The following CYRIB variants were observed in gnomAD, a reference collection of about 807,000 sequenced individuals.
CYRIB encodes CYFIP related Rac1 interactor B.
Under a neutral mutation model 44.2 loss-of-function variants are expected in CYRIB, and 8 were observed. The ratio of observed to expected loss-of-function variants is 0.18; its 90% CI spans 0.11 to 0.33. CYRIB has a LOEUF of 0.33. CYRIB is among the 10% of genes least tolerant of loss of function. The probability of loss-of-function intolerance (pLI) is 1.00; values close to 1 mark genes in which losing one functional copy is unlikely to be tolerated. For synonymous variants in CYRIB, 131 were observed against 127.2 expected (o/e 1.03, Z -0.20); for missense variants, 185 against 382.8 (o/e 0.48, Z 4.31).
At chr8:129,962,931 A>G (rs1431827110) in intron 2 of CYRIB, among the ~76,000 whole-genome samples, 1 of 152,194 alleles carries the variant, frequency 6.6e-6, no homozygotes, top group East Asian at 1.9e-4. Context: ...GAGCAGGTGC[A>G]AGCTGCACCC....
intron 1 of CYRIB, among the ~76,000 whole-genome samples, chr8:130,015,827 C>T (rs2097329750): frequency 1.3e-5 from 2 of 152,334 alleles, no homozygotes; most frequent in African/African-American, 4.8e-5. Flanking sequence ...TAAACACAGG[C>T]GGGTGGCTAC....
intron 1 of CYRIB, among the ~76,000 whole-genome samples, chr8:129,935,303 T>A (rs1455582800): frequency 6.6e-6 from 1 of 152,228 alleles, no homozygotes; most frequent in Non-Finnish European, 1.5e-5. Context: ...TGGTCCCCAA[T>A]CTTTTTGGGA....
At chr8:129,850,807 A>G (rs746225188) in intron 9 of CYRIB, 28 bp downstream of exon 11, 55 of 1,532,112 alleles carry the variant, frequency 3.6e-5, no homozygotes, top group Non-Finnish European at 2.5e-5. Context: ...CAGCACTGTT[A>G]AAGTGAAAAA....
chr8:129,942,179 A>C (rs2093758758), upstream of CYRIB, among the ~76,000 whole-genome samples: 1 of 152,116 alleles, frequency 6.6e-6, no homozygotes, highest in African/African-American at 2.4e-5. Context: ...TCTCTACTAA[A>C]AATACAAAAA....
At chr8:129,882,773 C>T (rs1262813176) in intron 2 of CYRIB, among the ~76,000 whole-genome samples, 1 of 152,164 alleles carries the variant, frequency 6.6e-6, no homozygotes, top group Non-Finnish European at 1.5e-5. Context: ...GCACCCGAGG[C>T]TAATGTGATC....
intron 2 of CYRIB, among the ~76,000 whole-genome samples, chr8:129,899,034 T>G (rs768202676): frequency 5.3e-5 from 8 of 152,180 alleles, no homozygotes; most frequent in Non-Finnish European, 7.3e-5. Context: ...CGGCTAATTT[T>G]TGTATTTTTA....
intron 2 of CYRIB, among the ~76,000 whole-genome samples, chr8:129,946,868 G>A (rs113870380): frequency 0.019 from 2,944 of 152,146 alleles, 93 homozygotes; most frequent in African/African-American, 0.068. Flanking sequence ...TGTACCTCAA[G>A]TACACTTTCC....
At chr8:129,893,118 A>T (rs1009875667) in intron 2 of CYRIB, among the ~76,000 whole-genome samples, 1 of 152,262 alleles carries the variant, frequency 6.6e-6, no homozygotes, top group African/African-American at 2.4e-5. Flanking sequence ...AAAAAAGCTT[A>T]GAATGGAATT....
intron 7 of CYRIB, among the ~76,000 whole-genome samples, chr8:129,853,950 A>T (rs987441251): frequency 5.3e-5 from 8 of 152,278 alleles, no homozygotes; most frequent in African/African-American, 1.9e-4. Context: ...GAGACAAAAA[A>T]CTCGTAACTA....
chr8:129,867,446 A>C (rs181029879), intron 4 of CYRIB, among the ~76,000 whole-genome samples: 39 of 151,028 alleles, frequency 2.6e-4, no homozygotes, highest in African/African-American at 9.0e-4. Flanking sequence ...TAAAATTTAC[A>C]AAAAAAAAGT....
intron 1 of CYRIB, among the ~76,000 whole-genome samples, chr8:129,976,394 G>A (rs958205256): frequency 9.2e-5 from 14 of 152,136 alleles, no homozygotes; most frequent in African/African-American, 3.4e-4. Context: ...CAGAATTCAT[G>A]ACCGTTTTTC....
intron 1 of CYRIB, among the ~76,000 whole-genome samples, chr8:129,972,889 G>A (rs2095765561): frequency 6.6e-6 from 1 of 152,190 alleles, no homozygotes; most frequent in South Asian, 2.1e-4. Context: ...TAGGCAGAAA[G>A]CCTGGACTAC....
chr8:129,997,782 C>G (rs957138942), intron 1 of CYRIB, among the ~76,000 whole-genome samples: 1 of 152,066 alleles, frequency 6.6e-6, no homozygotes, highest in South Asian at 2.1e-4. Context: ...TTGGGGACAG[C>G]CTTTGGAGGA....
At chr8:129,855,567 G>A in intron 6 of CYRIB, 44 bp downstream of exon 8, 1 of 1,601,632 alleles carries the variant, frequency 6.2e-7, no homozygotes, top group Non-Finnish European at 8.6e-7. Flanking sequence ...CTCATTAAAA[G>A]ATTCATGATT....
intron 1 of CYRIB, among the ~76,000 whole-genome samples, chr8:129,987,016 G>A (rs874580): frequency 0.35 from 52,561 of 152,054 alleles, 9,507 homozygotes; most frequent in African/African-American, 0.44. Context: ...TAACTAGACA[G>A]TAAGAGACTT....
chr8:129,928,810 G>A (rs570716220), intron 1 of CYRIB, among the ~76,000 whole-genome samples: 1 of 152,190 alleles, frequency 6.6e-6, no homozygotes, highest in South Asian at 2.1e-4. Flanking sequence ...ACAAGTGTTG[G>A]GAAGATTCAG....
chr8:129,866,069 GAA>G (rs2053384873), intron 4 of CYRIB, among the ~76,000 whole-genome samples: 1 of 152,158 alleles, frequency 6.6e-6, no homozygotes, highest in African/African-American at 2.4e-5. Context: ...AGGCTACAGA[GAA>G]AAGTCATAAT....
intron 2 of CYRIB, among the ~76,000 whole-genome samples, chr8:129,958,874 G>A (rs1000453420): frequency 3.3e-5 from 5 of 151,618 alleles, no homozygotes; most frequent in Non-Finnish European, 7.4e-5. Flanking sequence ...GACCAGCCTG[G>A]CCAAGATGGT....
rs374570395 is a variant in CYRIB, at chr8:130,006,605, T to TATATACAC, written c.-296+9764_-296+9765insGTGTATAT. Among the ~76,000 whole-genome samples the TATATACAC allele has an allele frequency of 2.6e-4, 6 of 23,318 alleles. 1 individual carries two copies. In the African/African-American group the frequency reaches 2.7e-3, roughly 10 times the overall value. 15.3% of individuals were successfully genotyped at this position (23,318 alleles called of 152,430 possible). ...ACTAAAAACACAAATTATATATATA[T>TATATACAC]ACATATATATGTGTATATATATACA... On this transcript the variant is annotated intron_variant, in intron 1 of 14. Transcript: ENST00000401979.
Sources: allele counts gnomAD v4.1 joint callset (sites outside exome capture counted in the v4.1 genomes callset), GRCh38; gene constraint gnomAD v4.1.1; transcripts MANE v1.5; gene names NCBI Gene and HGNC (gene_info 2026-07-23, HGNC 2026-07-21).